NEDD9: variants seen among roughly 807,000 people sequenced by gnomAD.
The protein encoded by NEDD9 is neural precursor cell expressed, developmentally down-regulated 9, also known as enhancer of filamentation 1.
NEDD9 carries 26 observed loss-of-function variants against 76.6 expected under a neutral mutation model. The observed-to-expected ratio is 0.34, with a 90% CI of 0.25 to 0.47. The LOEUF is 0.47. Ranked by LOEUF, NEDD9 falls within the 20% of genes least tolerant of loss-of-function variation. The pLI is 1.00. For missense variants in NEDD9, 937 were observed against 1,058.5 expected, an observed-to-expected ratio of 0.89 and a Z score of 1.59; for synonymous variants, 392 against 414.2, an observed-to-expected ratio of 0.95 and a Z score of 0.65.
At chr6:11,210,412 A>G (rs533202910) in intron 2 of NEDD9, among the ~76,000 whole-genome samples, 5 of 152,348 alleles carry the variant, frequency 3.3e-5, no homozygotes, top group African/African-American at 9.6e-5. Flanking sequence ...TACCAGGCAT[A>G]TCTAGTTCTG....
intron 1 of NEDD9, among the ~76,000 whole-genome samples, chr6:11,337,643 G>A (rs1762190243): frequency 6.6e-6 from 1 of 152,180 alleles, no homozygotes; most frequent in South Asian, 2.1e-4. Context: ...TTCTCCACCT[G>A]AAGGGCAGGA....
At chr6:11,302,128 TAA>T (rs1227270039) in intron 3 of NEDD9, among the ~76,000 whole-genome samples, 3 of 147,434 alleles carry the variant, frequency 2.0e-5, no homozygotes, top group Admixed American at 6.7e-5. Context: ...GCAAGACCAA[TAA>T]AAAAGAAAAG....
At chr6:11,371,437 C>T (rs1423939368) in intron 1 of NEDD9, among the ~76,000 whole-genome samples, 1 of 152,212 alleles carries the variant, frequency 6.6e-6, no homozygotes, top group African/African-American at 2.4e-5. Context: ...TCATCCCTCC[C>T]TCCTTGCAGT....
intron 3 of NEDD9, among the ~76,000 whole-genome samples, chr6:11,264,340 A>G (rs892313777): frequency 1.3e-5 from 2 of 152,100 alleles, no homozygotes; most frequent in African/African-American, 4.8e-5. Context: ...TCTGTGAGGA[A>G]CCACATGCCC....
At chr6:11,284,820 T>TA (rs1315160429) in intron 3 of NEDD9, among the ~76,000 whole-genome samples, 5 of 150,392 alleles carry the variant, frequency 3.3e-5, no homozygotes, top group African/African-American at 1.2e-4. Flanking sequence ...TAAAACTTGC[T>TA]AAGATTTATA....
chr6:11,229,414 A>G (rs568145306), intron 1 of NEDD9, among the ~76,000 whole-genome samples: 2 of 152,092 alleles, frequency 1.3e-5, no homozygotes, highest in South Asian at 2.1e-4. Flanking sequence ...CGGGCCTGGC[A>G]GGCACAAACG....
Position 11,241,633 on chromosome 6 carries a change from G to A in NEDD9, c.13-27906C>T, listed in dbSNP as rs1759708865. 6.6e-6 allele frequency among the ~76,000 whole-genome samples: 1 copy of A among 152,176 alleles called. No homozygotes were observed. The highest frequency in any genetic ancestry group is 2.4e-5 in the African/African-American group (1 of 41,448). ...CGGAGGTAGGGACAGTACACAATGG[G>A]GGAGAAGGGAGTGTTTTAAACACCA... On this transcript the variant is annotated intron_variant, in intron 3 of 3. Coordinates refer to the NEDD9 transcript ENST00000397378. This position sits in a 1 kb window ranked among gnomAD's most constrained non-coding sequence, Gnocchi z 4.0.
intron 2 of NEDD9, among the ~76,000 whole-genome samples, chr6:11,334,154 A>T (rs1762102083): frequency 6.6e-6 from 1 of 152,262 alleles, no homozygotes; most frequent in Non-Finnish European, 1.5e-5. Flanking sequence ...GAAATATATA[A>T]AGTGGAAAAA....
rs760791938 is a variant in NEDD9 at position 11,213,518 on chromosome 6, G to A, written c.222C>T (p.His74=). The A allele has an allele frequency of 2.2e-5, 36 of 1,614,062 alleles. No homozygotes were observed. The highest frequency in any genetic ancestry group is 6.7e-5 in the East Asian group (3 of 44,892). ...GCATCAGTCCAGAGGCAGGCTGCTC[G>A]TGACTGGAGGCAGTCTCCTGCATGG... ...IGPMQETASS[H]EQPASGLMQQ... The change falls in exon 2 of 7, where the codon CAC becomes CAT. Residue 74 remains histidine (H), a synonymous_variant. Transcript: ENST00000379446. The surrounding 1 kb of genome is among the most constrained non-coding windows in gnomAD (Gnocchi z 5.4).
chr6:11,234,058 T>G (rs1759551263), upstream of NEDD9, among the ~76,000 whole-genome samples: 1 of 152,182 alleles, frequency 6.6e-6, no homozygotes, highest in Admixed American at 6.5e-5. Context: ...TGCAGTTCAG[T>G]GTGGCACTGA....
At chr6:11,323,306 G>A (rs1761852278) in intron 2 of NEDD9, among the ~76,000 whole-genome samples, 1 of 152,244 alleles carries the variant, frequency 6.6e-6, no homozygotes, top group African/African-American at 2.4e-5. Flanking sequence ...CCCAGGAGTG[G>A]GGAATATAGT....
At chr6:11,239,403 G>C (rs1759666381) in intron 3 of NEDD9, among the ~76,000 whole-genome samples, 1 of 152,044 alleles carries the variant, frequency 6.6e-6, no homozygotes, top group African/African-American at 2.4e-5. Flanking sequence ...CCTGTGTCTT[G>C]TCTGTGCACA....
In NEDD9 at chr6:11,237,804, T is replaced by C. The variant is rs531675645; in HGVS notation, c.13-24077A>G. The stretch of plus-strand genomic sequence containing the variant: ...ACCCACACTCTAGATTAGTGCAAGG[T>C]ACATCTATGCCTGAGTTCAGAATAA... On this transcript the variant is annotated intron_variant, in intron 3 of 3. Transcript: ENST00000397378. The surrounding 1 kb of genome is among the most constrained non-coding windows in gnomAD (Gnocchi z 4.9). Among the ~76,000 whole-genome samples, 4 of 152,262 alleles carry C rather than the reference T, an allele frequency of 2.6e-5. No homozygotes were observed. Among genetic ancestry groups the C allele is most frequent in the Non-Finnish European group, 5.9e-5 (4 of 68,020 alleles).
At chr6:11,192,485 C>T (rs1418730426) in intron 3 of NEDD9, 39 bp from the exon 4 acceptor site, 1 of 1,459,264 alleles carries the variant, frequency 6.9e-7, no homozygotes, top group Admixed American at 1.8e-5. Context: ...ATGGAAATGT[C>T]TTATACTTGG....
intron 1 of NEDD9, among the ~76,000 whole-genome samples, chr6:11,218,594 T>A (rs948255095): frequency 6.6e-6 from 1 of 152,180 alleles, no homozygotes; most frequent in Non-Finnish European, 1.5e-5. Context: ...TTTACCCCAG[T>A]ATCCGAAACA....
chr6:11,205,181 C>T (rs1261374664), intron 2 of NEDD9, among the ~76,000 whole-genome samples: 1 of 152,216 alleles, frequency 6.6e-6, no homozygotes, highest in Non-Finnish European at 1.5e-5. Flanking sequence ...TTAACTTCAG[C>T]AAGTGAATTT....
chr6:11,296,911 T>G (rs1561820348), intron 3 of NEDD9, among the ~76,000 whole-genome samples: 1 of 152,238 alleles, frequency 6.6e-6, no homozygotes, highest in Non-Finnish European at 1.5e-5. Flanking sequence ...GTATTTTTAG[T>G]AGAGACATGG....
At chr6:11,341,818 A>G (rs567643524) in intron 1 of NEDD9, among the ~76,000 whole-genome samples, 63 of 152,370 alleles carry the variant, frequency 4.1e-4, no homozygotes, top group African/African-American at 1.5e-3. Context: ...AGGGTAGTGT[A>G]ATCCATAGTA....
chr6:11,367,626 C>G (rs993257598), intron 1 of NEDD9, among the ~76,000 whole-genome samples: 1 of 152,174 alleles, frequency 6.6e-6, no homozygotes, highest in Admixed American at 6.5e-5. Context: ...TACAGACTGT[C>G]ATTAGGTTTA....
Sources: gnomAD v4.1 joint callset for allele counts (sites outside exome capture counted in the v4.1 genomes callset) on GRCh38, gnomAD v4.1.1 for gene constraint, Gnocchi (gnomAD v3.1) non-coding constraint, MANE v1.5 for transcripts, NCBI Gene and HGNC (gene_info 2026-07-23, HGNC 2026-07-21) for gene names.